The following ARID4B variants were observed in gnomAD, a reference collection of about 807,000 sequenced individuals.
ARID4B encodes the protein AT-rich interaction domain 4B.
A neutral mutation model predicts 147.5 loss-of-function variants in ARID4B; 26 were observed. The observed-to-expected ratio is 0.18, with a 90% confidence interval of 0.13 to 0.24. The LOEUF is 0.24. ARID4B is among the 10% of genes least tolerant of loss of function. ARID4B has a pLI of 1.00. For synonymous variants in ARID4B, 512 were observed against 507.9 expected, an observed-to-expected ratio of 1.01 and a Z score of -0.11; for missense variants, 1,179 against 1,511.5, an observed-to-expected ratio of 0.78 and a Z score of 3.65.
intron 16 of ARID4B, among the ~76,000 whole-genome samples, chr1:235,218,291 A>T (rs1558213011): frequency 1.3e-5 from 2 of 152,230 alleles, no homozygotes; most frequent in Non-Finnish European, 2.9e-5. Context: ...ATAATTATAC[A>T]GTTAAAGGGG....
chr1:235,315,954 A>C (rs987945083), intron 2 of ARID4B, among the ~76,000 whole-genome samples: 6 of 152,178 alleles, frequency 3.9e-5, no homozygotes, highest in African/African-American at 1.4e-4. Flanking sequence ...CTGAGGCAGA[A>C]GGATCACTCA....
At chr1:235,324,737 C>G (rs4233473) in intron 2 of ARID4B, among the ~76,000 whole-genome samples, 70,702 of 151,930 alleles carry the variant, frequency 0.47, 16,769 homozygotes, top group South Asian at 0.6. Context: ...AGAAGTTCGA[C>G]ACCAGCCTGG....
chr1:235,300,321 G>A (rs1014040349), intron 2 of ARID4B, among the ~76,000 whole-genome samples: 2 of 152,054 alleles, frequency 1.3e-5, no homozygotes, highest in African/African-American at 4.8e-5. Flanking sequence ...GGAGGCTGAG[G>A]CACAAGAATC....
intron 17 of ARID4B, among the ~76,000 whole-genome samples, chr1:235,209,692 T>C (rs982329773): frequency 1.3e-5 from 2 of 151,478 alleles, no homozygotes; most frequent in Non-Finnish European, 2.9e-5. Context: ...GCCTCCCAAG[T>C]AGATCGGATT....
At chr1:235,177,298 C>T (rs951344008) in intron 21 of ARID4B, among the ~76,000 whole-genome samples, 1 of 152,126 alleles carries the variant, frequency 6.6e-6, no homozygotes, top group Non-Finnish European at 1.5e-5. Context: ...ACAAAGGTAA[C>T]AAATATGTTG....
chr1:235,248,988 C>T (rs1412885116), intron 6 of ARID4B, among the ~76,000 whole-genome samples: 4 of 152,146 alleles, frequency 2.6e-5, no homozygotes, highest in Non-Finnish European at 2.9e-5. Flanking sequence ...TGGGATTTTA[C>T]CTAAACTTCT....
chr1:235,201,622 C>T (rs966328075), intron 17 of ARID4B, among the ~76,000 whole-genome samples: 1 of 152,124 alleles, frequency 6.6e-6, no homozygotes, highest in Non-Finnish European at 1.5e-5. Context: ...CCGCATCTGG[C>T]GGAATACAAT....
Position 235,243,087 on chromosome 1 carries a change from AT to A in ARID4B, c.447-2637del, listed in dbSNP as rs914182220. 1.3e-4 allele frequency among the ~76,000 whole-genome samples: 20 copies of A among 151,478 alleles called. 1 individual carries two copies. The highest frequency in any genetic ancestry group is 4.4e-4 in the African/African-American group (18 of 41,332). On this transcript the variant is annotated intron_variant, in intron 7 of 23. Transcript: ENST00000264183. ...TCTCAAGTTGAAGATTTTTTAAGTA[AT>A]TTTTTTTTGTTTATTGATATATCTC...
chr1:235,208,240 C>T (rs981006193), intron 17 of ARID4B, among the ~76,000 whole-genome samples: 7 of 152,122 alleles, frequency 4.6e-5, no homozygotes, highest in Non-Finnish European at 7.4e-5. Context: ...AACTAGTTTA[C>T]GGCATGTTAA....
intron 5 of ARID4B, among the ~76,000 whole-genome samples, chr1:235,254,283 G>A (rs562162035): frequency 5.9e-5 from 9 of 151,986 alleles, no homozygotes; most frequent in African/African-American, 1.7e-4. Flanking sequence ...CTGAAATCAC[G>A]AAAGACATTT....
At chr1:235,301,654 A>G (rs1253360794) in intron 2 of ARID4B, among the ~76,000 whole-genome samples, 1 of 149,566 alleles carries the variant, frequency 6.7e-6, no homozygotes, top group African/African-American at 2.5e-5. Flanking sequence ...GGCTCAAGCA[A>G]TCCTCCCACC....
At chr1:235,287,415 A>T (rs1051015044) in intron 2 of ARID4B, among the ~76,000 whole-genome samples, 1 of 152,180 alleles carries the variant, frequency 6.6e-6, no homozygotes, top group Non-Finnish European at 1.5e-5. Context: ...AGAAGACAAA[A>T]GGAAATTCCA....
intron 6 of ARID4B, among the ~76,000 whole-genome samples, chr1:235,246,834 T>C (rs1318272684): frequency 6.6e-6 from 1 of 152,138 alleles, no homozygotes; most frequent in Non-Finnish European, 1.5e-5. Flanking sequence ...AAGACAAATG[T>C]GAGAATTAAG....
intron 23 of ARID4B, 98 bp from the exon 24 acceptor site, chr1:235,168,750 G>T: frequency 7.7e-7 from 1 of 1,290,424 alleles, no homozygotes; most frequent in Non-Finnish European, 1.1e-6. Flanking sequence ...CCGCTATATT[G>T]TCCAAAATCA....
intron 2 of ARID4B, among the ~76,000 whole-genome samples, chr1:235,301,854 A>G (rs952788975): frequency 6.6e-6 from 1 of 151,832 alleles, no homozygotes; most frequent in Non-Finnish European, 1.5e-5. Context: ...AACTGGGATT[A>G]CAGGTGCCTG....
chr1:235,194,231 ATG>A lies in ARID4B; in HGVS notation c.1927-22_1927-21del. The stretch of plus-strand genomic sequence containing the variant: ...TTTATTCTAGGTTAAGAAAAAAAGT[ATG>A]TCGTAATTTATCATAAGGCATTTAT... On this transcript the variant is annotated intron_variant, in intron 18 of 23. Transcript: ENST00000264183. 1 of 1,539,564 alleles carries A rather than the reference ATG, an allele frequency of 6.5e-7. No individual in the cohort carries two copies. The highest frequency in any genetic ancestry group is 9.0e-7 in the Non-Finnish European group (1 of 1,114,796).
At chr1:235,231,511 GGGTCTC>G (rs1374944527) in intron 9 of ARID4B, among the ~76,000 whole-genome samples, 1 of 152,122 alleles carries the variant, frequency 6.6e-6, no homozygotes, top group Non-Finnish European at 1.5e-5. Context: ...TTTTGAGACA[GGGTCTC>G]ACTCTGTCAT....
At chr1:235,224,935 G>A (rs992354011) in intron 11 of ARID4B, among the ~76,000 whole-genome samples, 160 bp from the exon 12 acceptor site, 1 of 152,106 alleles carries the variant, frequency 6.6e-6, no homozygotes, top group Non-Finnish European at 1.5e-5. Flanking sequence ...TTCAAAACCA[G>A]GTAAGTCTAG....
intron 17 of ARID4B, among the ~76,000 whole-genome samples, chr1:235,201,857 C>G (rs767824474): frequency 2.0e-5 from 3 of 151,744 alleles, no homozygotes; most frequent in Non-Finnish European, 4.4e-5. Flanking sequence ...GCACTCCAAC[C>G]TGGGAAACAG....
Sources: allele counts gnomAD v4.1 joint callset (sites outside exome capture counted in the v4.1 genomes callset), GRCh38; gene constraint gnomAD v4.1.1; transcripts MANE v1.5; gene names NCBI Gene and HGNC (gene_info 2026-07-23, HGNC 2026-07-21).